C12orf42: variants seen among roughly 807,000 people sequenced by gnomAD.
C12orf42 encodes uncharacterized protein C12orf42.
In C12orf42, 25 loss-of-function variants were observed where a neutral mutation model predicts 21.6. The ratio of observed to expected loss-of-function variants is 1.16; its 90% CI spans 0.84 to 1.62. C12orf42 has a LOEUF of 1.62. Among genes scored for constraint, C12orf42 ranks in the 40% most tolerant of loss-of-function variants. The pLI, the probability that C12orf42 is intolerant of heterozygous loss-of-function variation, is 0.00. For missense variants in C12orf42, 483 were observed against 459.3 expected, an observed-to-expected ratio of 1.05 and a Z score of -0.47; for synonymous variants, 174 against 175.0, an observed-to-expected ratio of 0.99 and a Z score of 0.05.
chr12:103,469,497 T>A (rs1306575506), intron 2 of C12orf42, among the ~76,000 whole-genome samples: 2 of 152,236 alleles, frequency 1.3e-5, no homozygotes, highest in Non-Finnish European at 2.9e-5. Context: ...AATACTTTTT[T>A]AAGAAAATCT....
At chr12:103,301,620 T>A (rs1365414501), downstream of C12orf42, among the ~76,000 whole-genome samples, 2 of 152,138 alleles carry the variant, frequency 1.3e-5, no homozygotes, top group African/African-American at 2.4e-5. Context: ...TAATACGACA[T>A]GAAAAATTCC....
chr12:103,225,413 G>A, the C12orf42 span, among the ~76,000 whole-genome samples: 1 of 152,180 alleles, frequency 6.6e-6, no homozygotes, highest in Non-Finnish European at 1.5e-5. Context: ...GCGTGTTGCG[G>A]GACGGGATAT....
the C12orf42 span, chr12:103,506,028 G>A: frequency 4.8e-6 from 1 of 209,696 alleles, no homozygotes; most frequent in Non-Finnish European, 9.4e-6. Flanking sequence ...TCCTTCTGTG[G>A]CCATCTTGGT....
chr12:103,460,105 A>T (rs527927602), intron 2 of C12orf42, among the ~76,000 whole-genome samples: 4 of 152,186 alleles, frequency 2.6e-5, no homozygotes, highest in African/African-American at 7.2e-5. Context: ...GTTCTGATGG[A>T]TAAATACCAA....
At chr12:103,361,609 CT>C (rs148282889) in intron 4 of C12orf42, among the ~76,000 whole-genome samples, 16,306 of 152,052 alleles carry the variant, frequency 0.11, 1,025 homozygotes, top group East Asian at 0.19. Flanking sequence ...TGAGAGGCTG[CT>C]AGTCCAGGGA....
At chr12:103,355,405 G>A (rs1275460020) in intron 4 of C12orf42, among the ~76,000 whole-genome samples, 2 of 152,118 alleles carry the variant, frequency 1.3e-5, no homozygotes, top group Non-Finnish European at 2.9e-5. Flanking sequence ...CAGCATGAAG[G>A]AAAATGAGAA....
the C12orf42 span, among the ~76,000 whole-genome samples, chr12:103,157,932 A>G: frequency 1.3e-5 from 2 of 152,194 alleles, no homozygotes; most frequent in Non-Finnish European, 2.9e-5. Flanking sequence ...AGAAATAGTA[A>G]TTTCATATAA....
the C12orf42 span, among the ~76,000 whole-genome samples, chr12:103,169,312 T>C: frequency 6.6e-6 from 1 of 152,034 alleles, no homozygotes; most frequent in African/African-American, 2.4e-5. Flanking sequence ...CTCAAGCTCA[T>C]CTATAAAACC....
chr12:103,454,898 C>T (rs1017583669), intron 2 of C12orf42, among the ~76,000 whole-genome samples: 2 of 152,154 alleles, frequency 1.3e-5, no homozygotes, highest in Admixed American at 6.5e-5. Flanking sequence ...AGCATTATAT[C>T]TTACTAGGTA....
At chr12:103,485,158 C>T (rs1446474867) in intron 1 of C12orf42, among the ~76,000 whole-genome samples, 2 of 152,008 alleles carry the variant, frequency 1.3e-5, no homozygotes, top group Non-Finnish European at 2.9e-5. Flanking sequence ...CATGAGCCAC[C>T]GTGCCCGGCC....
intron 5 of C12orf42, among the ~76,000 whole-genome samples, chr12:103,302,888 G>A (rs2037873897): frequency 6.6e-6 from 1 of 152,090 alleles, no homozygotes; most frequent in Admixed American, 6.6e-5. Flanking sequence ...TAGAAGAATC[G>A]GTGGCTAAAA....
At chr12:103,261,959 G>A (rs2034921745) in intron 10 of C12orf42, among the ~76,000 whole-genome samples, 1 of 152,156 alleles carries the variant, frequency 6.6e-6, no homozygotes. Context: ...GTGCAGAAGG[G>A]AATTAACACT....
the C12orf42 span, among the ~76,000 whole-genome samples, chr12:103,511,521 G>A: frequency 6.6e-6 from 1 of 151,892 alleles, no homozygotes; most frequent in African/African-American, 2.4e-5. Context: ...TTCTCTTGGG[G>A]TATAAGGTAT....
the C12orf42 span, among the ~76,000 whole-genome samples, chr12:103,134,875 G>A: frequency 2.0e-5 from 3 of 152,248 alleles, no homozygotes; most frequent in African/African-American, 7.2e-5. Flanking sequence ...AAAGTGTCTA[G>A]TTATTTGTGA....
intron 2 of C12orf42, among the ~76,000 whole-genome samples, chr12:103,476,726 C>T (rs1291774623): frequency 6.6e-6 from 1 of 152,178 alleles, no homozygotes; most frequent in Non-Finnish European, 1.5e-5. Context: ...ACTAATGGCA[C>T]ATAGCAAGTT....
chr12:103,337,224 C>T (rs2041773901), intron 4 of C12orf42, among the ~76,000 whole-genome samples: 1 of 152,144 alleles, frequency 6.6e-6, no homozygotes, highest in Admixed American at 6.6e-5. Flanking sequence ...TGCTATCTGC[C>T]CCTTTGTGCA....
At position 103,347,301 on chromosome 12, in the gene C12orf42, G is replaced by A. The variant is rs148784373; in HGVS notation, c.259+21586C>T. ...CTCCCACTTCTGAGTGAGAACATGC[G>A]GTGTTTGGTTTTCTGATCTTGTGAT... is the stretch of plus-strand genomic sequence containing the variant. On this transcript the variant is annotated intron_variant, in intron 4 of 5. Coordinates refer to ENST00000548883, the MANE Select transcript of C12orf42 (RefSeq NM_198521.5). Among the ~76,000 whole-genome samples, 1,102 of 151,722 alleles carry A rather than the reference G, an allele frequency of 7.3e-3. 35 individuals are homozygous for A. Among genetic ancestry groups the A allele is most frequent in the Middle Eastern group, 0.014 (4 of 294 alleles).
chr12:103,210,179 A>G, the C12orf42 span, among the ~76,000 whole-genome samples: 1 of 152,106 alleles, frequency 6.6e-6, no homozygotes, highest in African/African-American at 2.4e-5. Context: ...CATTATTCCA[A>G]ATTATAATTC....
chr12:103,241,964 A>G (rs972082756), intron 10 of C12orf42, among the ~76,000 whole-genome samples: 6 of 152,216 alleles, frequency 3.9e-5, no homozygotes, highest in Admixed American at 6.6e-5. Flanking sequence ...TAGTGCCTAT[A>G]CATTTATTTA....
Sources: gnomAD v4.1 joint callset for allele counts (sites outside exome capture counted in the v4.1 genomes callset) on GRCh38, gnomAD v4.1.1 for gene constraint, MANE v1.5 for transcripts, NCBI Gene and HGNC (gene_info 2026-07-23, HGNC 2026-07-21) for gene names.